MALRD1: variants seen among roughly 807,000 people sequenced by gnomAD.
The protein encoded by MALRD1 is MAM and LDL-receptor class A domain-containing protein 1.
Under a neutral mutation model 242.1 loss-of-function variants are expected in MALRD1, and 247 were observed. That is an observed-to-expected ratio of 1.02 (90% CI 0.92 to 1.13). The LOEUF (loss-of-function observed/expected upper bound fraction) is 1.13, where lower values mean the gene tolerates loss of function less well. MALRD1 is among the 50% of genes most tolerant of loss of function. The probability of loss-of-function intolerance (pLI) is 0.00; values close to 1 mark genes in which losing one functional copy is unlikely to be tolerated. For synonymous variants in MALRD1, 995 were observed against 866.6 expected (o/e 1.15, Z -2.60); for missense variants, 2,989 against 2,533.1 (o/e 1.18, Z -3.86).
At chr10:19,437,310 A>G (rs1372401917) in intron 28 of MALRD1, among the ~76,000 whole-genome samples, 1 of 151,432 alleles carries the variant, frequency 6.6e-6, no homozygotes, top group Non-Finnish European at 1.5e-5. Context: ...TGTTTGTTCC[A>G]CTGCTTTGTA....
At chr10:19,580,138 C>G (rs931245724) in intron 33 of MALRD1, among the ~76,000 whole-genome samples, 1 of 152,118 alleles carries the variant, frequency 6.6e-6, no homozygotes, top group Non-Finnish European at 1.5e-5. Flanking sequence ...GGCCAGCAAC[C>G]ACACTCCTTT....
intron 30 of MALRD1, among the ~76,000 whole-genome samples, chr10:19,498,131 G>C (rs181940880): frequency 6.6e-6 from 1 of 152,120 alleles, no homozygotes; most frequent in Non-Finnish European, 1.5e-5. Flanking sequence ...AATAAGGGAC[G>C]GAAGTGAATT....
At chr10:19,375,950 T>C (rs562486130) in intron 26 of MALRD1, among the ~76,000 whole-genome samples, 1 of 152,082 alleles carries the variant, frequency 6.6e-6, no homozygotes, top group South Asian at 2.1e-4. Context: ...GGTGAAACCA[T>C]GTCTCTACTA....
intron 26 of MALRD1, among the ~76,000 whole-genome samples, chr10:19,375,817 T>C (rs1284870826): frequency 6.6e-6 from 1 of 152,112 alleles, no homozygotes; most frequent in Admixed American, 6.6e-5. Context: ...AATTAAAAAG[T>C]TTCCAAAAAG....
chr10:19,397,285 C>G (rs1226755763), intron 28 of MALRD1, among the ~76,000 whole-genome samples: 1 of 152,140 alleles, frequency 6.6e-6, no homozygotes, highest in Non-Finnish European at 1.5e-5. Context: ...CTGTTCTACT[C>G]CCTGCTTCTA....
intron 32 of MALRD1, among the ~76,000 whole-genome samples, chr10:19,565,540 T>G (rs1836213884): frequency 6.6e-6 from 1 of 152,216 alleles, no homozygotes; most frequent in African/African-American, 2.4e-5. Flanking sequence ...AATTAGGTTC[T>G]GTATAGTATG....
chr10:19,672,288 TTA>T (rs1696410958), intron 36 of MALRD1, among the ~76,000 whole-genome samples: 1 of 152,010 alleles, frequency 6.6e-6, no homozygotes, highest in South Asian at 2.1e-4. Context: ...ATATATAATA[TTA>T]TATTACTACC....
At chr10:19,590,791 A>G (rs1480716486) in intron 33 of MALRD1, among the ~76,000 whole-genome samples, 1 of 152,078 alleles carries the variant, frequency 6.6e-6, no homozygotes, top group African/African-American at 2.4e-5. Context: ...AAAATTTCCC[A>G]TATACTCCCT....
chr10:19,119,366 G>A (rs896495131), intron 5 of MALRD1, among the ~76,000 whole-genome samples: 2 of 152,136 alleles, frequency 1.3e-5, no homozygotes, highest in Non-Finnish European at 2.9e-5. Flanking sequence ...AGTAATTCAC[G>A]CAGAGCCGGC....
intron 18 of MALRD1, among the ~76,000 whole-genome samples, chr10:19,233,034 AT>A (rs958295198): frequency 7.9e-5 from 12 of 152,108 alleles, no homozygotes; most frequent in African/African-American, 2.4e-4. Flanking sequence ...TTAAAAAACA[AT>A]TTTTTTTAGT....
At chr10:19,411,002 C>A (rs755476533) in intron 28 of MALRD1, among the ~76,000 whole-genome samples, 7 of 152,022 alleles carry the variant, frequency 4.6e-5, no homozygotes, top group South Asian at 4.2e-4. Flanking sequence ...GCTATAATTT[C>A]TTTTTCAGAA....
At chr10:19,262,448 G>C (rs1295418150) in intron 19 of MALRD1, among the ~76,000 whole-genome samples, 1 of 151,964 alleles carries the variant, frequency 6.6e-6, no homozygotes, top group African/African-American at 2.4e-5. Flanking sequence ...CTAAGGTCAG[G>C]AGTTCAACAC....
intron 26 of MALRD1, among the ~76,000 whole-genome samples, chr10:19,363,577 A>G (rs1020218544): frequency 6.6e-5 from 10 of 152,164 alleles, no homozygotes; most frequent in African/African-American, 2.4e-4. Context: ...TTGTCTAATG[A>G]CAAAACTTGT....
chr10:19,596,950 T>C (rs1409641650), intron 34 of MALRD1, among the ~76,000 whole-genome samples: 1 of 151,908 alleles, frequency 6.6e-6, no homozygotes, highest in Non-Finnish European at 1.5e-5. Context: ...CTGTGTAATA[T>C]GGGACCTCTA....
chr10:19,543,532 C>T (rs1352347670), intron 32 of MALRD1, among the ~76,000 whole-genome samples: 1 of 148,264 alleles, frequency 6.7e-6, no homozygotes, highest in East Asian at 2.0e-4. Context: ...CCTCAGAATC[C>T]CAAAGTGCTG....
intron 4 of MALRD1, among the ~76,000 whole-genome samples, chr10:19,093,019 T>G (rs1240609647): frequency 1.2e-4 from 1 of 8,674 alleles, no homozygotes; most frequent in South Asian, 7.8e-3. Context: ...TGGCTGCCCT[T>G]AACATTTTTT....
At chr10:19,177,265 G>A (rs2131548013) in intron 14 of MALRD1, among the ~76,000 whole-genome samples, 1 of 139,500 alleles carries the variant, frequency 7.2e-6, no homozygotes, top group East Asian at 2.1e-4. Context: ...GGGTGACAGA[G>A]CAAGATTCCT....
chr10:19,622,193 GA>G (rs1239197358), intron 36 of MALRD1, among the ~76,000 whole-genome samples: 4 of 121,552 alleles, frequency 3.3e-5, no homozygotes, highest in Admixed American at 7.9e-5. Flanking sequence ...TTAAGAATCA[GA>G]AAAGAAGTTA....
chr10:19,562,910 C>T (rs1194706114), intron 32 of MALRD1, among the ~76,000 whole-genome samples: 1 of 152,130 alleles, frequency 6.6e-6, no homozygotes, highest in Non-Finnish European at 1.5e-5. Context: ...AAGTCACTTC[C>T]CCTGGCACCC....
Sources: allele counts gnomAD v4.1 joint callset (sites outside exome capture counted in the v4.1 genomes callset), GRCh38; gene constraint gnomAD v4.1.1; transcripts MANE v1.5; gene names NCBI Gene and HGNC (gene_info 2026-07-23, HGNC 2026-07-21).